SGCZ: variants seen among roughly 807,000 people sequenced by gnomAD.
SGCZ encodes zeta-sarcoglycan.
A neutral mutation model predicts 41.3 loss-of-function variants in SGCZ; 40 were observed. The observed-to-expected ratio is 0.97, with a 90% CI of 0.75 to 1.26. SGCZ has a LOEUF of 1.26. Among genes scored for constraint, SGCZ ranks in the 50% most tolerant of loss-of-function variants. The probability of loss-of-function intolerance (pLI) is 0.00; values close to 1 mark genes in which losing one functional copy is unlikely to be tolerated. For synonymous variants in SGCZ, 206 were observed against 137.5 expected (o/e 1.50, Z -3.49); for missense variants, 552 against 369.8 (o/e 1.49, Z -4.04).
At chr8:15,194,953 C>T (rs753546579) in intron 1 of SGCZ, among the ~76,000 whole-genome samples, 1 of 152,092 alleles carries the variant, frequency 6.6e-6, no homozygotes, top group African/African-American at 2.4e-5. Context: ...CAACTTGCGA[C>T]GTCGTTTTTA....
At chr8:14,272,861 G>C (rs1800106724) in intron 3 of SGCZ, among the ~76,000 whole-genome samples, 1 of 152,010 alleles carries the variant, frequency 6.6e-6, no homozygotes, top group Non-Finnish European at 1.5e-5. Context: ...TGTAACTGTA[G>C]GGTACTATGT....
At chr8:14,747,962 G>T (rs558039911) in intron 1 of SGCZ, among the ~76,000 whole-genome samples, 2 of 150,732 alleles carry the variant, frequency 1.3e-5, no homozygotes, top group Non-Finnish European at 2.9e-5. Flanking sequence ...CTGAACTCAG[G>T]TGATTCACCC....
intron 4 of SGCZ, among the ~76,000 whole-genome samples, chr8:14,197,073 TG>T (rs1279653695): frequency 1.3e-5 from 2 of 152,164 alleles, no homozygotes; most frequent in Non-Finnish European, 2.9e-5. Context: ...ATCATTAAAA[TG>T]TACATTTAAA....
intron 1 of SGCZ, among the ~76,000 whole-genome samples, chr8:15,071,575 A>G (rs1805351385): frequency 6.6e-6 from 1 of 152,244 alleles, no homozygotes; most frequent in Non-Finnish European, 1.5e-5. Context: ...TGAAAGGACT[A>G]TGCAACCATT....
rs577499310 is a variant in SGCZ, at chr8:14,184,263, TCAG to T, written c.425-19564_425-19562del. The stretch of plus-strand genomic sequence containing the variant: ...TGTACAGATTATCTGTGATCTCATA[TCAG>T]CAGGAGCTAAAATATTCCCACCCCC... On this transcript the variant is annotated intron_variant, in intron 4 of 7. Coordinates refer to ENST00000382080, the MANE Select transcript of SGCZ (RefSeq NM_139167.4). 3.3e-3 allele frequency among the ~76,000 whole-genome samples: 504 copies of T among 152,284 alleles called. 4 individuals carry two copies. Among genetic ancestry groups the T allele is most frequent in the African/African-American group, 0.012 (486 of 41,582 alleles).
chr8:14,204,280 G>T (rs971209052), intron 4 of SGCZ, among the ~76,000 whole-genome samples: 4 of 146,350 alleles, frequency 2.7e-5, no homozygotes, highest in East Asian at 4.0e-4. Flanking sequence ...CACTCTGAAT[G>T]TTTTTTTTTT....
chr8:14,556,058 C>T (rs1362607226), intron 1 of SGCZ, among the ~76,000 whole-genome samples: 2 of 151,742 alleles, frequency 1.3e-5, no homozygotes, highest in Admixed American at 6.6e-5. Context: ...TTTCAATAAG[C>T]AAATGCATTT....
At chr8:14,389,312 T>C (rs1381315504) in intron 2 of SGCZ, among the ~76,000 whole-genome samples, 3 of 151,714 alleles carry the variant, frequency 2.0e-5, no homozygotes, top group Non-Finnish European at 4.4e-5. Context: ...ATTTTATCAA[T>C]AACATGTAAG....
rs186664094 is a variant in SGCZ, at chr8:14,509,497, T to C, written c.234+45235A>G. On this transcript the variant is annotated intron_variant, in intron 2 of 7. Transcript: ENST00000382080. ...GCCCAAATTTATATTAACTGATTAA[T>C]CTGCTGAAGAATCATTACTTTGCAC... 1.2e-4 allele frequency among the ~76,000 whole-genome samples: 19 copies of C among 152,296 alleles called. No individual in the cohort carries two copies. In the East Asian group the frequency reaches 3.5e-3, roughly 28 times the overall value.
chr8:14,234,067 T>C (rs745941775), intron 4 of SGCZ, among the ~76,000 whole-genome samples: 84 of 152,144 alleles, frequency 5.5e-4, no homozygotes, highest in Non-Finnish European at 9.6e-4. Flanking sequence ...GTGGGGGAAA[T>C]TGGATATTAT....
intron 2 of SGCZ, among the ~76,000 whole-genome samples, chr8:14,476,042 G>A (rs1195051534): frequency 1.3e-5 from 2 of 151,776 alleles, no homozygotes; most frequent in Non-Finnish European, 2.9e-5. Context: ...CTGGCCTCAA[G>A]CAAATCTTCT....
At chr8:14,224,125 A>T (rs943463324) in intron 4 of SGCZ, among the ~76,000 whole-genome samples, 2 of 152,336 alleles carry the variant, frequency 1.3e-5, no homozygotes, top group East Asian at 3.9e-4. Flanking sequence ...GAACTTTTCA[A>T]AACAAATAAT....
At chr8:14,224,981 C>T (rs187305195) in intron 4 of SGCZ, among the ~76,000 whole-genome samples, 31 of 152,198 alleles carry the variant, frequency 2.0e-4, no homozygotes, top group Admixed American at 1.6e-3. Flanking sequence ...AGCCAGTAAC[C>T]CTGTGAACTT....
intron 4 of SGCZ, among the ~76,000 whole-genome samples, chr8:14,220,375 A>G (rs932998208): frequency 1.3e-5 from 2 of 151,466 alleles, no homozygotes; most frequent in Admixed American, 6.6e-5. Context: ...ATTTATTTAT[A>G]TACACTTCAA....
chr8:14,170,125 T>G (rs943908544), intron 4 of SGCZ, among the ~76,000 whole-genome samples: 1 of 152,014 alleles, frequency 6.6e-6, no homozygotes, highest in African/African-American at 2.4e-5. Flanking sequence ...TCTCTCATCT[T>G]AACCTTTATT....
At chr8:14,844,664 C>G (rs1481636424) in intron 1 of SGCZ, among the ~76,000 whole-genome samples, 1 of 152,094 alleles carries the variant, frequency 6.6e-6, no homozygotes, top group Non-Finnish European at 1.5e-5. Flanking sequence ...ATGACTAATA[C>G]AGCTAACAAA....
intron 2 of SGCZ, among the ~76,000 whole-genome samples, chr8:14,534,093 A>G (rs904988353): frequency 1.5e-4 from 23 of 152,042 alleles, no homozygotes; most frequent in South Asian, 6.2e-4. Context: ...TGGGCTAAAA[A>G]GGTCCCAATA....
At chr8:14,522,405 T>C (rs1213847362) in intron 2 of SGCZ, among the ~76,000 whole-genome samples, 1 of 152,162 alleles carries the variant, frequency 6.6e-6, no homozygotes, top group East Asian at 1.9e-4. Context: ...GCAAATTAAA[T>C]ATTCAATTTC....
intron 2 of SGCZ, among the ~76,000 whole-genome samples, chr8:14,479,764 T>TTTTG (rs1801480434): frequency 7.2e-6 from 1 of 138,318 alleles, no homozygotes; most frequent in African/African-American, 2.6e-5. Flanking sequence ...TTTTTTTTAT[T>TTTTG]TGAGATGGAG....
Sources: gnomAD v4.1 joint callset for allele counts (sites outside exome capture counted in the v4.1 genomes callset) on GRCh38, gnomAD v4.1.1 for gene constraint, MANE v1.5 for transcripts, NCBI Gene and HGNC (gene_info 2026-07-23, HGNC 2026-07-21) for gene names.